Variants in VWDE observed in about 807,000 individuals in gnomAD.
VWDE encodes the protein von Willebrand factor D and EGF domain-containing protein.
In VWDE, 207 loss-of-function variants were observed where a neutral mutation model predicts 178.4. The ratio of observed to expected loss-of-function variants is 1.16; its 90% CI spans 1.04 to 1.30. The LOEUF is 1.30. VWDE is among the 50% of genes most tolerant of loss of function. The pLI, the probability that VWDE is intolerant of heterozygous loss-of-function variation, is 0.00. For missense variants in VWDE, 2,287 were observed against 1,901.3 expected, an observed-to-expected ratio of 1.20 and a Z score of -3.77; for synonymous variants, 738 against 651.4, an observed-to-expected ratio of 1.13 and a Z score of -2.02.
At chr7:12,389,029 C>T in intron 3 of VWDE, 98 bp downstream of exon 3, 8 of 886,144 alleles carry the variant, frequency 9.0e-6, no homozygotes, top group Non-Finnish European at 1.3e-5. Context: ...GAGTATCTTA[C>T]TGAGATTTGC....
intron 2 of VWDE, among the ~76,000 whole-genome samples, chr7:12,392,419 A>G (rs1784427171): frequency 1.3e-5 from 2 of 152,188 alleles, no homozygotes; most frequent in African/African-American, 4.8e-5. Flanking sequence ...TGTGGTATCA[A>G]TAATAAGAGT....
chr7:12,342,299 T>C, intron 22 of VWDE, 145 bp from the exon 23 acceptor site: 1 of 544,726 alleles, frequency 1.8e-6, no homozygotes, highest in Non-Finnish European at 3.1e-6. Flanking sequence ...TATATTCGGG[T>C]TTCAAATGCT....
chr7:12,393,441 A>T (rs1441874969), intron 2 of VWDE, among the ~76,000 whole-genome samples, 153 bp downstream of exon 2: 1 of 152,188 alleles, frequency 6.6e-6, no homozygotes, highest in Non-Finnish European at 1.5e-5. Context: ...TTATTATTAG[A>T]CTAGGTAATG....
chr7:12,343,132 C>T lies in VWDE; in HGVS notation c.4125G>A (p.Gly1375=). 6.5e-7 allele frequency: 1 copy of T among 1,549,892 alleles called. No individual in the cohort carries two copies. The highest frequency in any genetic ancestry group is 8.7e-7 in the Non-Finnish European group (1 of 1,145,756). ...PCQHGGTCLA[G]NLCTCPYGFV... Reference sequence around the variant, plus strand: ...AACCATAAGGACAAGTGCAGAGATTCCCAGCCAAGCATGTGCCACCATGTT... The same window carrying T: ...AACCATAAGGACAAGTGCAGAGATTTCCAGCCAAGCATGTGCCACCATGTT... Residue 1375 remains glycine (G), a synonymous_variant, in exon 22 of 29, where the codon GGG becomes GGA. Transcript: ENST00000275358.
rs750662533 is a variant in VWDE at position 12,392,710 on chromosome 7, G to C, written c.243+884C>G. 9.3e-5 allele frequency among the ~76,000 whole-genome samples: 14 copies of C among 150,106 alleles called. No individual in the cohort carries two copies. In the South Asian group the frequency reaches 1.7e-3, roughly 18 times the overall value. ...TGTATTTGTCAAATGAAATAAGAAT[G>C]AAAGAAGCCACTTGGGCTAGTTCAC... On this transcript the variant is annotated intron_variant, in intron 2 of 28. Transcript: ENST00000275358.
Position 12,393,580 on chromosome 7 carries a change from G to C in VWDE, c.243+14C>G. ...TAAGGAAAATAACATGCAGTACTTA[G>C]GGAGTTGACATACCTCAACACATTT... On this transcript the variant is annotated intron_variant, in intron 2 of 28. Transcript: ENST00000275358. 1 of 1,528,656 alleles carries C rather than the reference G, an allele frequency of 6.5e-7. No individual in the cohort carries two copies. The highest frequency in any genetic ancestry group is 8.8e-7 in the Non-Finnish European group (1 of 1,135,234). The allele number at this position is 1,528,656 out of a possible 1,614,324, so 94.7% of individuals were successfully genotyped here.
At chr7:12,394,686 G>A (rs1383932657) in intron 1 of VWDE, among the ~76,000 whole-genome samples, 2 of 151,984 alleles carry the variant, frequency 1.3e-5, no homozygotes, top group Non-Finnish European at 2.9e-5. Context: ...GTATCTTGTT[G>A]GCACAGTTGA....
At chr7:12,387,822 G>A (rs1006963464) in intron 3 of VWDE, among the ~76,000 whole-genome samples, 27 of 151,916 alleles carry the variant, frequency 1.8e-4, no homozygotes, top group Admixed American at 1.2e-3. Context: ...AGTGTCTCCC[G>A]GAACTTTCAG....
chr7:12,381,610 G>C lies in VWDE; in HGVS notation c.542-877C>G, dbSNP rs555759812. Among the ~76,000 whole-genome samples, 5 of 152,090 alleles carry C rather than the reference G, an allele frequency of 3.3e-5. No individual in the cohort carries two copies. The East Asian group carries it at 9.6e-4, about 29-fold the overall frequency. On this transcript the variant is annotated intron_variant, in intron 4 of 28. Coordinates refer to ENST00000275358, the MANE Select transcript of VWDE (RefSeq NM_001135924.3). ...TATTTTACAGTGTTATTTTGTTATAGTCCCAATGACAAATGAATTATTTTC... is the reference window on the plus strand; with the variant it reads ...TATTTTACAGTGTTATTTTGTTATACTCCCAATGACAAATGAATTATTTTC...
intron 12 of VWDE, among the ~76,000 whole-genome samples, chr7:12,368,254 G>C (rs1323993187): frequency 6.7e-6 from 1 of 148,570 alleles, no homozygotes; most frequent in African/African-American, 2.5e-5. Context: ...AAAATAAAAA[G>C]ATAAATATAA....
intron 28 of VWDE, 91 bp from the exon 29 acceptor site, chr7:12,331,288 T>C (rs1452769920): frequency 1.9e-6 from 2 of 1,074,554 alleles, no homozygotes; most frequent in African/African-American, 1.6e-5. Flanking sequence ...CCCTCTGACA[T>C]GATACGTAAA....
Position 12,377,886 on chromosome 7 carries a change from C to T in VWDE, c.914G>A (p.Gly305Glu), listed in dbSNP as rs1363699905. ...TTCTATCCTCAGGTAGTATTCTTTC[C>T]CATCCTCTGATATAGTGCTCAATTC... ...QPELSTISED[G>E]KEYYLRIEST... The change falls in exon 7 of 29, where the codon GGG becomes GAG. Residue 305 changes from glycine (G) to glutamate (E), a missense_variant. Coordinates refer to ENST00000275358, the MANE Select transcript of VWDE (RefSeq NM_001135924.3). 2.0e-6 allele frequency: 3 copies of T among 1,515,718 alleles called. No individual in the cohort carries two copies. The highest frequency in any genetic ancestry group is 1.3e-5 in the South Asian group (1 of 75,030). The allele number at this position is 1,515,718 out of a possible 1,614,324, so 93.9% of individuals were successfully genotyped here. A position where few individuals can be genotyped will look rare whatever the true frequency, so the allele number is the denominator to read the frequency against.
intron 1 of VWDE, among the ~76,000 whole-genome samples, chr7:12,395,677 A>C (rs1457011553): frequency 6.6e-6 from 1 of 152,028 alleles, no homozygotes; most frequent in Non-Finnish European, 1.5e-5. Context: ...CTATTATTTC[A>C]TAACTTTTTT....
At position 12,357,534 on chromosome 7, in the gene VWDE, T is replaced by C; in HGVS notation, c.3275-19A>G. ...TGGTTGTCTGTAATAGAGAAAACACTTAACTTTATACCCGTGTAGAAAAAG... is the reference window on the plus strand; with the variant it reads ...TGGTTGTCTGTAATAGAGAAAACACCTAACTTTATACCCGTGTAGAAAAAG... On this transcript the variant is annotated intron_variant, in intron 16 of 28. Transcript: ENST00000275358. 6.4e-7 allele frequency: 1 copy of C among 1,551,350 alleles called. No individual in the cohort carries two copies. Among genetic ancestry groups the C allele is most frequent in the Non-Finnish European group, 8.7e-7 (1 of 1,146,666 alleles).
intron 19 of VWDE, among the ~76,000 whole-genome samples, chr7:12,349,656 A>G (rs898829596): frequency 6.6e-6 from 1 of 151,952 alleles, no homozygotes; most frequent in Non-Finnish European, 1.5e-5. Flanking sequence ...AAGTACTCCT[A>G]CAAATCAATA....
rs181154346 is a variant in VWDE, at chr7:12,356,259, A to G, written c.3597T>C (p.Ser1199=). 286 of 1,551,422 alleles carry G rather than the reference A, an allele frequency of 1.8e-4. No individual in the cohort carries two copies. Among genetic ancestry groups the G allele is most frequent in the Non-Finnish European group, 2.4e-4 (281 of 1,146,948 alleles). Residue 1199 remains serine (S), a synonymous_variant, in exon 18 of 29, where the codon AGT becomes AGC. Transcript: ENST00000275358. The stretch of plus-strand genomic sequence containing the variant: ...GCAAGCAGACACACAGGTACACTCC[A>G]CTCCCTGGAGAAAAGTTCCTATCAG... ...CVSDRNFSPG[S]GVYLCVCLPG...
chr7:12,340,512 T>C (rs1034685077), intron 23 of VWDE, 95 bp from the exon 24 acceptor site: 8 of 873,944 alleles, frequency 9.2e-6, no homozygotes, highest in Non-Finnish European at 1.4e-5. Flanking sequence ...AATGAAATAT[T>C]TTATTTTTAC....
chr7:12,363,467 A>C (rs1275635800), intron 13 of VWDE, among the ~76,000 whole-genome samples: 1 of 152,030 alleles, frequency 6.6e-6, no homozygotes, highest in Non-Finnish European at 1.5e-5. Context: ...TAGAGTCTTG[A>C]CTGCTTTGGG....
rs563912915 is a variant in VWDE at position 12,339,066 on chromosome 7, AAAGTCTGAGGCATGGAGCCTTC to A, written c.4366+1234_4366+1255del. The stretch of plus-strand genomic sequence containing the variant: ...TGTCTAGATCATACTTGAAAGCCAG[AAAGTCTGAGGCATGGAGCCTTC>A]AAGTAAATACCAGCAAGAAAGCTGT... On this transcript the variant is annotated intron_variant, in intron 24 of 28. Transcript: ENST00000275358. 2.8e-3 allele frequency among the ~76,000 whole-genome samples: 421 copies of A among 152,280 alleles called. 2 individuals are homozygous for A. The highest frequency in any genetic ancestry group is 9.6e-3 in the African/African-American group (400 of 41,582).
Sources: gnomAD v4.1 joint callset for allele counts (sites outside exome capture counted in the v4.1 genomes callset) on GRCh38, gnomAD v4.1.1 for gene constraint, MANE v1.5 for transcripts, NCBI Gene and HGNC (gene_info 2026-07-23, HGNC 2026-07-21) for gene names.